The following IPPK variants were observed in gnomAD, a reference collection of about 807,000 sequenced individuals.
IPPK encodes the protein inositol-pentakisphosphate 2-kinase.
IPPK carries 22 observed loss-of-function variants against 64.6 expected under a neutral mutation model. That is an observed-to-expected ratio of 0.34 (90% CI 0.24 to 0.49). The LOEUF (loss-of-function observed/expected upper bound fraction) is 0.49. Among genes scored for constraint, IPPK ranks in the 20% least tolerant of loss-of-function variants. IPPK has a pLI of 0.99. For missense variants in IPPK, 532 were observed against 630.7 expected, an observed-to-expected ratio of 0.84 and a Z score of 1.68; for synonymous variants, 262 against 247.2, an observed-to-expected ratio of 1.06 and a Z score of -0.56.
chr9:92,633,378 A>C (rs1036056001), intron 11 of IPPK, among the ~76,000 whole-genome samples: 1 of 152,068 alleles, frequency 6.6e-6, no homozygotes, highest in Non-Finnish European at 1.5e-5. Flanking sequence ...CAAAAAAAAA[A>C]AAAAATGTTT....
chr9:92,622,029 C>G (rs1303163489), intron 11 of IPPK, among the ~76,000 whole-genome samples: 2 of 152,150 alleles, frequency 1.3e-5, no homozygotes, highest in Non-Finnish European at 2.9e-5. Context: ...GAACACATCA[C>G]AACAAATTGC....
At chr9:92,619,618 C>G (rs1851559012) in intron 11 of IPPK, 53 bp from the exon 12 acceptor site, 8 of 1,455,552 alleles carry the variant, frequency 5.5e-6, no homozygotes, top group South Asian at 4.9e-5. Flanking sequence ...CTCTGCCCCC[C>G]CACACAACCT....
Position 92,635,166 on chromosome 9 carries a change from G to C in IPPK, c.1059C>G (p.Pro353=). 6.2e-7 allele frequency: 1 copy of C among 1,612,198 alleles called. No individual in the cohort carries two copies. The highest frequency in any genetic ancestry group is 1.1e-5 in the South Asian group (1 of 90,998). ...GGACCGCCCGACCTCACCTCTCCTCGGGAAACTCTTCCAGGTATCGCTCAA... is the reference window on the plus strand; with the variant it reads ...GGACCGCCCGACCTCACCTCTCCTCCGGAAACTCTTCCAGGTATCGCTCAA... The part of the protein sequence containing the change: ...NRVERYLEEF[P]EERKTLQIDG... The change falls in exon 10 of 13, where the codon CCC becomes CCG. Residue 353 remains proline, a synonymous_variant. Coordinates refer to ENST00000287996, the MANE Select transcript of IPPK (RefSeq NM_022755.6). This position sits in a 1 kb window ranked among gnomAD's most constrained non-coding sequence, Gnocchi z 4.4.
At position 92,615,631 on chromosome 9, in the gene IPPK, C is replaced by G; in HGVS notation, c.*201G>C. On this transcript the variant is annotated 3_prime_UTR_variant, in exon 13 of 13. Coordinates refer to ENST00000287996, the MANE Select transcript of IPPK (RefSeq NM_022755.6). ...AGAGTGTGAGCAGCTTCCTGGGACA[C>G]AGCACTCACTTCCTACATTCCTTGT... The G allele has an allele frequency of 1.8e-6, 1 of 559,726 alleles. No homozygotes were observed. Among genetic ancestry groups the G allele is most frequent in the Non-Finnish European group, 3.2e-6 (1 of 312,338 alleles). 34.7% of individuals were successfully genotyped at this position (559,726 alleles called of 1,614,324 possible).
intron 2 of IPPK, 94 bp downstream of exon 2, chr9:92,658,540 C>A: frequency 9.6e-7 from 1 of 1,043,552 alleles, no homozygotes. Flanking sequence ...TCTTTGAATG[C>A]TACAACTAGC....
intron 1 of IPPK, among the ~76,000 whole-genome samples, chr9:92,666,452 G>A (rs988668657): frequency 6.6e-6 from 1 of 152,172 alleles, no homozygotes; most frequent in Non-Finnish European, 1.5e-5. Flanking sequence ...GTGGCCACTG[G>A]CCCAAGTACT....
intron 12 of IPPK, chr9:92,618,055 C>T (rs547799911): frequency 7.6e-5 from 27 of 353,656 alleles, no homozygotes; most frequent in African/African-American, 5.8e-4. Flanking sequence ...TAAATCCCAG[C>T]CTTAGTTTGT....
intron 5 of IPPK, 79 bp from the exon 6 acceptor site, chr9:92,648,227 A>AAT: frequency 4.7e-6 from 5 of 1,058,156 alleles, no homozygotes; most frequent in Non-Finnish European, 7.1e-6. Context: ...ACTGACTACA[A>AAT]GATAATGAGT....
At chr9:92,646,651 T>A (rs1852155490) in intron 6 of IPPK, among the ~76,000 whole-genome samples, 1 of 152,170 alleles carries the variant, frequency 6.6e-6, no homozygotes, top group Non-Finnish European at 1.5e-5. Flanking sequence ...ATGAATAACC[T>A]AACTTTCTAC....
rs117975163 is a variant in IPPK, at chr9:92,661,663, T to C, written c.82-2982A>G. 7.9e-5 allele frequency among the ~76,000 whole-genome samples: 12 copies of C among 152,332 alleles called. No individual in the cohort carries two copies. The East Asian group carries it at 2.1e-3, about 27-fold the overall frequency. The stretch of plus-strand genomic sequence containing the variant: ...CCAAGGAAACCTGAATACAGTGATT[T>C]GTCCATTTCAAGGGAAACTGCTTTC... On this transcript the variant is annotated intron_variant, in intron 1 of 12. Coordinates refer to ENST00000287996, the MANE Select transcript of IPPK (RefSeq NM_022755.6).
rs554289264 is a variant in IPPK, at chr9:92,646,798, A to C, written c.504+1261T>G. 3.9e-5 allele frequency among the ~76,000 whole-genome samples: 6 copies of C among 152,328 alleles called. No individual in the cohort carries two copies. The East Asian group carries it at 1.2e-3, about 29-fold the overall frequency. ...TGGTGAAACCCCGTCTCTACTAAAA[A>C]TACAAAAAATTAGCCAGGCATGATG... On this transcript the variant is annotated intron_variant, in intron 6 of 12. Coordinates refer to ENST00000287996, the MANE Select transcript of IPPK (RefSeq NM_022755.6).
At chr9:92,626,077 T>C (rs1346755969) in intron 11 of IPPK, among the ~76,000 whole-genome samples, 1 of 152,024 alleles carries the variant, frequency 6.6e-6, no homozygotes, top group Admixed American at 6.5e-5. Context: ...ACAAACCAAA[T>C]AGAATTTTCA....
intron 3 of IPPK, among the ~76,000 whole-genome samples, chr9:92,653,491 TA>T (rs1852308544): frequency 6.6e-6 from 1 of 152,214 alleles, no homozygotes; most frequent in African/African-American, 2.4e-5. Context: ...TGACTTACTA[TA>T]AACTTAGTAC....
chr9:92,647,285 CAA>C (rs1852167728), intron 6 of IPPK, among the ~76,000 whole-genome samples: 1 of 152,126 alleles, frequency 6.6e-6, no homozygotes, highest in African/African-American at 2.4e-5. Flanking sequence ...AATCTTCTAA[CAA>C]AGAAAATCCC....
At chr9:92,651,011 G>T (rs115851847) in intron 4 of IPPK, among the ~76,000 whole-genome samples, 1,702 of 152,068 alleles carry the variant, frequency 0.011, 25 homozygotes, top group African/African-American at 0.038. Flanking sequence ...GTTATGAAAT[G>T]GCAGGCTGAG....
At chr9:92,655,338 G>A (rs993535687) in intron 3 of IPPK, among the ~76,000 whole-genome samples, 28 of 152,296 alleles carry the variant, frequency 1.8e-4, no homozygotes, top group Non-Finnish European at 3.4e-4. Flanking sequence ...AGAGCCCAGC[G>A]GCGTCCTACT....
chr9:92,654,576 AGT>A (rs1852333757), intron 3 of IPPK, among the ~76,000 whole-genome samples: 1 of 152,226 alleles, frequency 6.6e-6, no homozygotes, highest in Non-Finnish European at 1.5e-5. Flanking sequence ...TACATTGGCG[AGT>A]GTGGACCACG....
chr9:92,657,246 G>A (rs939229293), intron 2 of IPPK, among the ~76,000 whole-genome samples: 2 of 152,140 alleles, frequency 1.3e-5, no homozygotes, highest in African/African-American at 4.8e-5. Flanking sequence ...CTACTCAGGA[G>A]ACTGAGGCGG....
intron 8 of IPPK, among the ~76,000 whole-genome samples, chr9:92,639,039 C>G (rs765498332): frequency 6.6e-6 from 1 of 152,072 alleles, no homozygotes; most frequent in Non-Finnish European, 1.5e-5. Context: ...TTATTTATTT[C>G]TTTTTAAAAA....
Sources: gnomAD v4.1 joint callset for allele counts (sites outside exome capture counted in the v4.1 genomes callset) on GRCh38, gnomAD v4.1.1 for gene constraint, Gnocchi (gnomAD v3.1) non-coding constraint, MANE v1.5 for transcripts, NCBI Gene and HGNC (gene_info 2026-07-23, HGNC 2026-07-21) for gene names.